SLA: variants seen among roughly 807,000 people sequenced by gnomAD.
SLA encodes the protein src-like-adapter.
Under a neutral mutation model 30.3 loss-of-function variants are expected in SLA, and 16 were observed. The observed-to-expected ratio is 0.53, with a 90% CI of 0.36 to 0.80. The LOEUF (loss-of-function observed/expected upper bound fraction) is 0.80, where lower values mean the gene tolerates loss of function less well. SLA is among the 30% of genes least tolerant of loss of function. The pLI is 0.01. For missense variants in SLA, 310 were observed against 345.2 expected, an observed-to-expected ratio of 0.90 and a Z score of 0.81; for synonymous variants, 143 against 137.8, an observed-to-expected ratio of 1.04 and a Z score of -0.26.
intron 1 of SLA, among the ~76,000 whole-genome samples, chr8:133,075,625 A>G (rs543905130): frequency 3.2e-4 from 48 of 152,336 alleles, no homozygotes; most frequent in African/African-American, 1.1e-3. Context: ...GTCTCGTATC[A>G]TGACGGCTAT....
chr8:133,100,942 T>C (rs1478393162), intron 1 of SLA, among the ~76,000 whole-genome samples: 2 of 149,872 alleles, frequency 1.3e-5, no homozygotes, highest in African/African-American at 5.0e-5. Flanking sequence ...TAGGGAACCA[T>C]GAACCAGTAT....
chr8:133,089,363 C>T (rs1431279878), intron 1 of SLA, among the ~76,000 whole-genome samples: 4 of 152,212 alleles, frequency 2.6e-5, no homozygotes, highest in Non-Finnish European at 5.9e-5. Context: ...CCATCCTTTA[C>T]TGAGGGCCTG....
At chr8:133,097,361 G>A (rs1482637384) in intron 1 of SLA, among the ~76,000 whole-genome samples, 2 of 152,128 alleles carry the variant, frequency 1.3e-5, no homozygotes, top group Non-Finnish European at 2.9e-5. Flanking sequence ...GCATTGCATT[G>A]TTTATTGATT....
intron 1 of SLA, among the ~76,000 whole-genome samples, chr8:133,089,046 G>A (rs147415347): frequency 7.9e-5 from 12 of 152,344 alleles, no homozygotes; most frequent in Middle Eastern, 3.4e-3. Flanking sequence ...CACCTTGGTG[G>A]CACCTTCCAG....
At chr8:133,051,832 A>G (rs192473490) in intron 3 of SLA, among the ~76,000 whole-genome samples, 1 of 152,354 alleles carries the variant, frequency 6.6e-6, no homozygotes, top group Non-Finnish European at 1.5e-5. Flanking sequence ...ATTATTTGCT[A>G]TGACTTTCAT....
chr8:133,049,969 C>A lies in SLA; in HGVS notation c.181G>T (p.Ala61Ser). The part of the protein sequence containing the change: ...VISDEGGWWK[A>S]ISLSTGRESY... ...TCTCGACCAGTGCTAAGAGAAATAG[C>A]TTTCCACCAGCCCCCTTCACTGTAA... Residue 61 changes from alanine to serine, a missense_variant, in exon 5 of 9, where the codon GCT becomes TCT. By Grantham distance (99) the Ala-to-Ser change is moderately conservative (BLOSUM62 1). Coordinates refer to ENST00000338087, the MANE Select transcript of SLA (RefSeq NM_001045556.3). 2 of 1,613,260 alleles carry A rather than the reference C, an allele frequency of 1.2e-6. No homozygotes were observed. The highest frequency in any genetic ancestry group is 1.7e-6 in the Non-Finnish European group (2 of 1,179,174).
intron 3 of SLA, among the ~76,000 whole-genome samples, chr8:133,055,891 G>T (rs879215267): frequency 1.3e-5 from 2 of 151,872 alleles, no homozygotes; most frequent in South Asian, 2.1e-4. Flanking sequence ...GCTCTGGGGG[G>T]AATCAGGCAC....
At position 133,093,468 on chromosome 8, in the gene SLA, C is replaced by T. The variant is rs180884623; in HGVS notation, c.-319+9085G>A. ...CCAGGAGACTCGGAGTTTGTCTAAG[C>T]GGTTAAGGACAGAAAATCACGTGTA... On this transcript the variant is annotated intron_variant, in intron 1 of 8. Transcript: ENST00000338087. Among the ~76,000 whole-genome samples, 751 of 152,210 alleles carry T rather than the reference C, an allele frequency of 4.9e-3. 4 individuals are homozygous for T. The highest frequency in any genetic ancestry group is 7.1e-3 in the Non-Finnish European group (484 of 68,014).
At chr8:133,055,371 A>G (rs1440288698) in intron 3 of SLA, among the ~76,000 whole-genome samples, 4 of 31,876 alleles carry the variant, frequency 1.3e-4, no homozygotes, top group Admixed American at 5.4e-4. Flanking sequence ...GCGCGCACAC[A>G]CACACACACA....
chr8:133,087,943 A>C (rs763247396), intron 1 of SLA: 4 of 151,900 alleles, frequency 2.6e-5, no homozygotes, highest in Non-Finnish European at 5.9e-5. Flanking sequence ...AACTTCTTAG[A>C]CTCTCTTTCT....
At chr8:133,087,002 C>A (rs1475910286) in intron 1 of SLA, among the ~76,000 whole-genome samples, 1 of 151,428 alleles carries the variant, frequency 6.6e-6, no homozygotes, top group Non-Finnish European at 1.5e-5. Context: ...ATGATATCGA[C>A]AATGGATTGT....
chr8:133,078,790 G>T (rs775305239), intron 1 of SLA, among the ~76,000 whole-genome samples: 1 of 152,262 alleles, frequency 6.6e-6, no homozygotes, highest in East Asian at 1.9e-4. Flanking sequence ...TGTAAATTTC[G>T]TGTATGTATA....
intron 7 of SLA, among the ~76,000 whole-genome samples, chr8:133,042,403 G>A (rs539748987): frequency 2.0e-5 from 3 of 152,184 alleles, no homozygotes; most frequent in South Asian, 2.1e-4. Context: ...CCATATTTTA[G>A]AATTCATGTA....
chr8:133,077,873 C>T (rs1845151834), intron 1 of SLA, among the ~76,000 whole-genome samples: 1 of 151,852 alleles, frequency 6.6e-6, no homozygotes, highest in Non-Finnish European at 1.5e-5. Context: ...CCCCCCGCAC[C>T]CCTCCAAGTC....
chr8:133,046,832 T>C (rs962019027), intron 6 of SLA, among the ~76,000 whole-genome samples: 2 of 152,200 alleles, frequency 1.3e-5, no homozygotes, highest in Admixed American at 6.5e-5. Context: ...ATGTGGTCCC[T>C]GCTTTCTGAA....
rs149519394 is a variant in SLA at position 133,092,932 on chromosome 8, G to A, written c.-319+9621C>T. On this transcript the variant is annotated intron_variant, in intron 1 of 8. Transcript: ENST00000338087. ...ATCTTGCAATATCAGTGTGACCCAC[G>A]CCTTTAACCACTTCCTCACCATATC... is the stretch of plus-strand genomic sequence containing the variant. 1.1e-4 allele frequency among the ~76,000 whole-genome samples: 16 copies of A among 152,244 alleles called. No individual in the cohort carries two copies. In the East Asian group the frequency reaches 1.9e-3, roughly 18 times the overall value.
chr8:133,044,971 G>T lies in SLA; in HGVS notation c.484+13C>A, dbSNP rs1444502999. On this transcript the variant is annotated intron_variant, in intron 7 of 8. Coordinates refer to ENST00000338087, the MANE Select transcript of SLA (RefSeq NM_001045556.3). ...CCCACCATCACAATCACTCCATATTGTATGTCTCTTACCAGAATAGTGGTT... is the reference window on the plus strand; with the variant it reads ...CCCACCATCACAATCACTCCATATTTTATGTCTCTTACCAGAATAGTGGTT... 1.9e-6 allele frequency: 3 copies of T among 1,613,994 alleles called. No individual in the cohort carries two copies. In the South Asian group the frequency reaches 3.3e-5, roughly 18 times the overall value.
chr8:133,057,027 C>T (rs1287853973), intron 3 of SLA, among the ~76,000 whole-genome samples: 2 of 152,194 alleles, frequency 1.3e-5, no homozygotes, highest in East Asian at 3.9e-4. Flanking sequence ...AGACCACTTA[C>T]TGAGAAGCTG....
chr8:133,067,886 GT>G (rs1564145561), intron 2 of SLA, among the ~76,000 whole-genome samples: 3 of 29,800 alleles, frequency 1.0e-4, no homozygotes, highest in Non-Finnish European at 2.3e-4. Flanking sequence ...AAGGAAGGAA[GT>G]ATGTATGGAA....
Sources: allele counts gnomAD v4.1 joint callset (sites outside exome capture counted in the v4.1 genomes callset), GRCh38; gene constraint gnomAD v4.1.1; transcripts MANE v1.5; gene names NCBI Gene and HGNC (gene_info 2026-07-23, HGNC 2026-07-21).